The following TNXB variants were observed in gnomAD, a reference collection of about 807,000 sequenced individuals.
TNXB encodes tenascin XB, also known as tenascin-X.
In TNXB, 183 loss-of-function variants were observed where a neutral mutation model predicts 340.5. The observed-to-expected ratio is 0.54, with a 90% CI of 0.48 to 0.61. The LOEUF (loss-of-function observed/expected upper bound fraction) is 0.61, where lower values mean the gene tolerates loss of function less well. Among genes scored for constraint, TNXB ranks in the 20% least tolerant of loss-of-function variants. TNXB has a pLI of 0.00. For synonymous variants in TNXB, 2,121 were observed against 2,314.5 expected, an observed-to-expected ratio of 0.92 and a Z score of 2.40; for missense variants, 4,613 against 5,446.4, an observed-to-expected ratio of 0.85 and a Z score of 4.82.
At position 32,085,895 on chromosome 6, in the gene TNXB, C is replaced by T. The variant is rs756574808; in HGVS notation, c.3003G>A (p.Pro1001=). The T allele has an allele frequency of 8.7e-6, 14 of 1,608,314 alleles. No homozygotes were observed. The highest frequency in any genetic ancestry group is 5.0e-5 in the Admixed American group (3 of 60,016). The change falls in exon 7 of 44, where the codon CCG becomes CCA. Residue 1001 remains proline (P), a synonymous_variant. Transcript: ENST00000644971. This position sits in a 1 kb window ranked among gnomAD's most constrained non-coding sequence, Gnocchi z 6.4. ...CTGGCAGCACTTCCTCATGTGCCCCCGGCCCCTCGGGCACCCGCATGCGCA... is the reference window on the plus strand; with the variant it reads ...CTGGCAGCACTTCCTCATGTGCCCCTGGCCCCTCGGGCACCCGCATGCGCA... The part of the protein sequence containing the change: ...FQLRMRVPEG[P]GAHEEVLPGD...
chr6:32,078,365 T>G (rs1162734595), intron 11 of TNXB: 2 of 149,664 alleles, frequency 1.3e-5, no homozygotes, highest in Non-Finnish European at 3.0e-5. Context: ...GGAGAATCAC[T>G]TGAACTTGGG....
Position 32,053,570 on chromosome 6 carries a change from TG to T in TNXB, c.8608del (p.Gln2870SerfsTer41). 1 of 1,613,654 alleles carries T rather than the reference TG, an allele frequency of 6.2e-7. No homozygotes were observed. Among genetic ancestry groups the T allele is most frequent in the East Asian group, 2.2e-5 (1 of 44,872 alleles). ...LSLSWMVPEG[Q>X]FDHFLVQYRN... is the part of the protein sequence containing the mutation. Reference sequence around the variant, plus strand: ...GTACTGGACCAGGAAGTGGTCAAACTGGCCCTCGGGGACCATCCAGGACAGG... The same window carrying T: ...GTACTGGACCAGGAAGTGGTCAAACTGCCCTCGGGGACCATCCAGGACAGG... On this transcript the variant is annotated frameshift_variant, in exon 25 of 44. Coordinates refer to ENST00000644971, the MANE Select transcript of TNXB (RefSeq NM_001365276.2). LOFTEE classifies it high-confidence loss of function.
At chr6:32,057,549 C>T (rs2072628) in intron 22 of TNXB, among the ~76,000 whole-genome samples, 20,774 of 152,150 alleles carry the variant, frequency 0.14, 1,769 homozygotes, top group South Asian at 0.3. Context: ...TCAGCACAGA[C>T]CTGGGCAACC....
In TNXB at chr6:32,067,277, G is replaced by T. The variant is rs1206171294; in HGVS notation, c.6544+384C>A. Among the ~76,000 whole-genome samples the T allele has an allele frequency of 1.3e-5, 2 of 151,942 alleles. No individual in the cohort carries two copies. The highest frequency in any genetic ancestry group is 2.9e-5 in the Non-Finnish European group (2 of 67,954). ...ATATTTGATTGAAGGAGGATGGCAGGGTCTTTGTACTATTCTTTCTGTTTA... is the reference window on the plus strand; with the variant it reads ...ATATTTGATTGAAGGAGGATGGCAGTGTCTTTGTACTATTCTTTCTGTTTA... On this transcript the variant is annotated intron_variant, in intron 18 of 43. Transcript: ENST00000644971. This position sits in a 1 kb window ranked among gnomAD's most constrained non-coding sequence, Gnocchi z 4.2.
In TNXB at chr6:32,070,358, T is replaced by C. The variant is rs764156170; in HGVS notation, c.5047A>G (p.Thr1683Ala). Residue 1683 changes from threonine to alanine, a missense_variant, in exon 14 of 44, where the codon ACA becomes GCA. Thr to Ala is a moderately conservative substitution (Grantham distance 58, BLOSUM62 0). Coordinates refer to ENST00000644971, the MANE Select transcript of TNXB (RefSeq NM_001365276.2). This position sits in a 1 kb window ranked among gnomAD's most constrained non-coding sequence, Gnocchi z 6.0. Reference protein sequence around the residue: ...APPRLGELWVTDPTPDSLRLS... With the variant: ...APPRLGELWVADPTPDSLRLS... ...CGCAGTGAGTCTGGGGTGGGGTCTG[T>C]CACCCACAGCTCCCCAAGGCGGGGT... The C allele has an allele frequency of 1.2e-5, 20 of 1,607,526 alleles. No individual in the cohort carries two copies. Among genetic ancestry groups the C allele is most frequent in the Non-Finnish European group, 1.7e-5 (20 of 1,177,542 alleles).
chr6:32,048,022 A>T lies in TNXB; in HGVS notation c.10046-10T>A. 6.2e-7 allele frequency: 1 copy of T among 1,602,970 alleles called. No individual in the cohort carries two copies. Among genetic ancestry groups the T allele is most frequent in the South Asian group, 1.1e-5 (1 of 89,966 alleles). On this transcript the variant is annotated splice_polypyrimidine_tract_variant and intron_variant, in intron 29 of 43. Transcript: ENST00000644971. ...GGTTTGGTGTCTGGGGCTGGAAAAG[A>T]CAGTGAGGTGCATGGAGAGTGGGAT...
chr6:32,042,582 C>T lies in TNXB; in HGVS notation c.12083G>A (p.Arg4028Lys), dbSNP rs1446904354. 1 of 1,588,458 alleles carries T rather than the reference C, an allele frequency of 6.3e-7. No individual in the cohort carries two copies. Among genetic ancestry groups the T allele is most frequent in the African/African-American group, 1.4e-5 (1 of 74,008 alleles). Residue 4028 changes from arginine to lysine, a missense_variant, in exon 40 of 44, where the codon AGG becomes AAG. Around this residue, in one of 7 missense-constraint regions of TNXB, gnomAD observed 121 missense variants for 177.4 expected, o/e 0.68. Transcript: ENST00000644971. ...TTGGLRIPFP[R>K]DCGEEMQNGA... ...GTTCTGCATCTCCTCCCCGCAGTCC[C>T]TGGGGAAGGGGATCCGCAGCCCACC... is the stretch of plus-strand genomic sequence containing the variant.
chr6:32,077,516 A>C (rs1489394860), intron 11 of TNXB, among the ~76,000 whole-genome samples: 1 of 152,250 alleles, frequency 6.6e-6, no homozygotes, highest in African/African-American at 2.4e-5. Flanking sequence ...GAGCAAAGGA[A>C]AAAAGAGATT....
In TNXB at chr6:32,067,949, T is replaced by C; in HGVS notation, c.6256A>G (p.Ser2086Gly). The change falls in exon 18 of 44, where the codon AGC becomes GGC. Residue 2086 changes from serine (S) to glycine (G), a missense_variant. Physicochemically the swap from Ser to Gly is moderately conservative, Grantham distance 56 (BLOSUM62 0). Transcript: ENST00000644971. This position sits in a 1 kb window ranked among gnomAD's most constrained non-coding sequence, Gnocchi z 4.2. ...TCAGCGGGCTCCGGGGCCTCCATGC[T>C]GGGTTCTGTGGGGCTGGGGGTCTCT... Reference protein sequence around the residue: ...EEETPSPTEPSMEAPEPAEEP... With the variant: ...EEETPSPTEPGMEAPEPAEEP... 1.2e-6 allele frequency: 2 copies of C among 1,612,102 alleles called. No individual in the cohort carries two copies. Among genetic ancestry groups the C allele is most frequent in the Non-Finnish European group, 1.7e-6 (2 of 1,179,606 alleles).
Position 32,069,852 on chromosome 6 carries a change from C to A in TNXB, c.5288G>T (p.Ser1763Ile), listed in dbSNP as rs778592816. 5 of 1,587,920 alleles carry A rather than the reference C, an allele frequency of 3.1e-6. No homozygotes were observed. In the Admixed American group the frequency reaches 7.0e-5, roughly 22 times the overall value. Reference sequence around the variant, plus strand: ...CTTTGTTCCAGTATCATCCATAGCACTCCGGGCTTCTGAGATGGAGACACG... The same window carrying A: ...CTTTGTTCCAGTATCATCCATAGCAATCCGGGCTTCTGAGATGGAGACACG... ...LTADGTTEAR[S>I]AMDDTGTKRP... is the part of the protein sequence containing the mutation. The change falls in exon 15 of 44, where the codon AGT becomes ATT. Residue 1763 changes from serine to isoleucine, a missense_variant. By Grantham distance (142) the Ser-to-Ile change is moderately radical. This residue lies in a region of TNXB where 4,327 missense variants were observed against 4,859.4 expected (regional missense o/e 0.89). Transcript: ENST00000644971. The surrounding 1 kb of genome is among the most constrained non-coding windows in gnomAD (Gnocchi z 6.2).
At position 32,056,927 on chromosome 6, in the gene TNXB, G is replaced by A. The variant is rs199649410; in HGVS notation, c.7826-24C>T. The A allele has an allele frequency of 7.0e-4, 1,125 of 1,605,064 alleles. 2 individuals are homozygous for A. The highest frequency in any genetic ancestry group is 8.9e-4 in the Non-Finnish European group (1,048 of 1,173,540). On this transcript the variant is annotated intron_variant, in intron 22 of 43. Coordinates refer to ENST00000644971, the MANE Select transcript of TNXB (RefSeq NM_001365276.2). ...CTCTGGAGTTGGACAGACACGTGTG[G>A]GGACAGTGAGGTCCCTGGCTCCTCA...
Position 32,081,045 on chromosome 6 carries a change from AAC to A in TNXB, c.4042+321_4042+322del, listed in dbSNP as rs1779396059. Reference sequence around the variant, plus strand: ...AGCCCAGTAAAAACTGAGGGGTGAGAACACAGTGACCGAATGGTGAGGACATC... The same window carrying A: ...AGCCCAGTAAAAACTGAGGGGTGAGAACAGTGACCGAATGGTGAGGACATC... On this transcript the variant is annotated intron_variant, in intron 10 of 43. Transcript: ENST00000644971. This position sits in a 1 kb window ranked among gnomAD's most constrained non-coding sequence, Gnocchi z 5.1. 6.6e-6 allele frequency among the ~76,000 whole-genome samples: 1 copy of A among 152,072 alleles called. No homozygotes were observed. The highest frequency in any genetic ancestry group is 2.4e-5 in the African/African-American group (1 of 41,398).
chr6:32,049,843 A>G lies in TNXB; in HGVS notation c.9439+155T>C, dbSNP rs551741007. Among the ~76,000 whole-genome samples, 2 of 152,200 alleles carry G rather than the reference A, an allele frequency of 1.3e-5. No homozygotes were observed. The highest frequency in any genetic ancestry group is 4.8e-5 in the African/African-American group (2 of 41,546). ...CCTGCTCAGGGGGAGCCAGGGGTCA[A>G]CCACATAGGAAGGCCCAAGGGGAGT... On this transcript the variant is annotated intron_variant, in intron 27 of 43. Coordinates refer to ENST00000644971, the MANE Select transcript of TNXB (RefSeq NM_001365276.2). The surrounding 1 kb of genome is among the most constrained non-coding windows in gnomAD (Gnocchi z 4.5).
In TNXB at chr6:32,070,043, A is replaced by G. The variant is rs1778665462; in HGVS notation, c.5278+84T>C. Reference sequence around the variant, plus strand: ...TGAGCCGAGTGGCTGGGGCCAAATAATGGTAATGGCAGCCACCACAAGTGA... The same window carrying G: ...TGAGCCGAGTGGCTGGGGCCAAATAGTGGTAATGGCAGCCACCACAAGTGA... On this transcript the variant is annotated intron_variant, in intron 14 of 43. Transcript: ENST00000644971. The surrounding 1 kb of genome is among the most constrained non-coding windows in gnomAD (Gnocchi z 6.0). 6 of 1,443,800 alleles carry G rather than the reference A, an allele frequency of 4.2e-6. No homozygotes were observed. Among genetic ancestry groups the G allele is most frequent in the Non-Finnish European group, 5.5e-6 (6 of 1,097,812 alleles). 89.4% of individuals were successfully genotyped at this position (1,443,800 alleles called of 1,614,324 possible).
Position 32,062,069 on chromosome 6 carries a change from C to A in TNXB, c.7168+88G>T. Reference sequence around the variant, plus strand: ...AAGTAGGTCTGTGGTGCTGACCAGACCCGTCCCATTCCCCACCAGTCATCA... The same window carrying A: ...AAGTAGGTCTGTGGTGCTGACCAGAACCGTCCCATTCCCCACCAGTCATCA... On this transcript the variant is annotated intron_variant, in intron 20 of 43. Transcript: ENST00000644971. This position sits in a 1 kb window ranked among gnomAD's most constrained non-coding sequence, Gnocchi z 4.3. The A allele has an allele frequency of 3.4e-6, 5 of 1,476,242 alleles. No homozygotes were observed. Among genetic ancestry groups the A allele is most frequent in the South Asian group, 1.3e-5 (1 of 75,582 alleles). The allele number at this position is 1,476,242 out of a possible 1,614,324, so 91.4% of individuals were successfully genotyped here.
At chr6:32,054,939 G>A (rs1206766525) in intron 24 of TNXB, among the ~76,000 whole-genome samples, 2 of 152,166 alleles carry the variant, frequency 1.3e-5, no homozygotes, top group Non-Finnish European at 2.9e-5. Flanking sequence ...GATGGATCAA[G>A]ACAAGAACAA....
chr6:32,047,661 G>C lies in TNXB; in HGVS notation c.10324+73C>G. On this transcript the variant is annotated intron_variant, in intron 30 of 43. Coordinates refer to ENST00000644971, the MANE Select transcript of TNXB (RefSeq NM_001365276.2). The surrounding 1 kb of genome is among the most constrained non-coding windows in gnomAD (Gnocchi z 6.2). ...GCTGATAGAGGGAATCTCACGGGAAGGCTGCAGGGCCAGCTCTGAGGGCTC... is the reference window on the plus strand; with the variant it reads ...GCTGATAGAGGGAATCTCACGGGAACGCTGCAGGGCCAGCTCTGAGGGCTC... The C allele has an allele frequency of 6.7e-7, 1 of 1,486,100 alleles. No homozygotes were observed. Among genetic ancestry groups the C allele is most frequent in the South Asian group, 1.4e-5 (1 of 71,682 alleles). The allele number at this position is 1,486,100 out of a possible 1,614,324, so 92.1% of individuals were successfully genotyped here.
In TNXB at chr6:32,049,744, C is replaced by CAT. The variant is rs1165783483; in HGVS notation, c.9440-158_9440-157insAT. On this transcript the variant is annotated intron_variant, in intron 27 of 43. Transcript: ENST00000644971. This position sits in a 1 kb window ranked among gnomAD's most constrained non-coding sequence, Gnocchi z 4.5. The stretch of plus-strand genomic sequence containing the variant: ...TCCTGCTCAGCTGACAGCTAACACA[C>CAT]GTAACAAGTTCCAGGGTCAGCTGTG... Among the ~76,000 whole-genome samples, 1 of 152,004 alleles carries CAT rather than the reference C, an allele frequency of 6.6e-6. No individual in the cohort carries two copies. The highest frequency in any genetic ancestry group is 1.5e-5 in the Non-Finnish European group (1 of 68,006).
At chr6:32,106,141 G>A (rs531106142) in intron 1 of TNXB, among the ~76,000 whole-genome samples, 10 of 149,996 alleles carry the variant, frequency 6.7e-5, no homozygotes, top group East Asian at 2.0e-4. Flanking sequence ...TGGGGGGGGG[G>A]GCTTCTGGGG....
Sources: gnomAD v4.1 joint callset for allele counts (sites outside exome capture counted in the v4.1 genomes callset) on GRCh38, gnomAD v4.1.1 for gene constraint, gnomAD v4.1.1 regional missense constraint, Gnocchi (gnomAD v3.1) non-coding constraint, MANE v1.5 for transcripts, NCBI Gene and HGNC (gene_info 2026-07-23, HGNC 2026-07-21) for gene names.